TSN: variants seen among roughly 807,000 people sequenced by gnomAD.
TSN encodes translin, also known as component 3 of promoter of RISC.
Under a neutral mutation model 29.4 loss-of-function variants are expected in TSN, and 5 were observed. The ratio of observed to expected loss-of-function variants is 0.17; its 90% CI spans 0.09 to 0.36. The LOEUF (loss-of-function observed/expected upper bound fraction) is 0.36. Ranked by LOEUF, TSN falls within the 10% of genes least tolerant of loss-of-function variation. TSN has a pLI of 1.00. For missense variants in TSN, 159 were observed against 272.8 expected (o/e 0.58, Z 2.94); for synonymous variants, 106 against 102.2 (o/e 1.04, Z -0.23).
intron 1 of TSN, chr2:121,756,290 C>G (rs761999172): frequency 8.0e-6 from 2 of 248,920 alleles, no homozygotes; most frequent in Non-Finnish European, 1.6e-5. Flanking sequence ...TGCTCTCTGT[C>G]TTTGTGTATG....
chr2:121,756,587 A>G, intron 1 of TSN: 1 of 1,278,780 alleles, frequency 7.8e-7, no homozygotes, highest in South Asian at 1.2e-5. Context: ...CCTCGCACAT[A>G]AGTATGCTCA....
intron 3 of TSN, among the ~76,000 whole-genome samples, chr2:121,759,740 T>A (rs1218123071): frequency 6.6e-6 from 1 of 152,208 alleles, no homozygotes; most frequent in East Asian, 1.9e-4. Flanking sequence ...AGATGTTCTT[T>A]TAAGACGTAT....
At chr2:121,762,005 T>C (rs2074837093) in intron 4 of TSN, among the ~76,000 whole-genome samples, 1 of 151,438 alleles carries the variant, frequency 6.6e-6, no homozygotes, top group East Asian at 2.0e-4. Flanking sequence ...TTTTTTTTTT[T>C]TTCCGAAATG....
intron 4 of TSN, among the ~76,000 whole-genome samples, chr2:121,761,917 A>G (rs1400765657): frequency 1.3e-5 from 2 of 151,970 alleles, no homozygotes; most frequent in Non-Finnish European, 2.9e-5. Context: ...TCCCAGGTTC[A>G]AGTGATTCTC....
chr2:121,766,224 C>T lies in TSN; in HGVS notation c.*857C>T, dbSNP rs149553860. On this transcript the variant is annotated 3_prime_UTR_variant, in exon 6 of 6. Transcript: ENST00000389682. The stretch of plus-strand genomic sequence containing the variant: ...TGTTCTGGGAGTATAAAGCCACCCA[C>T]GTAAGTTAATAAGCAAAATCCTGAC... 160 of 152,292 alleles carry T rather than the reference C, an allele frequency of 1.1e-3. 1 individual carries two copies. The highest frequency in any genetic ancestry group is 3.7e-3 in the African/African-American group (155 of 41,550). The allele number at this position is 152,292 out of a possible 1,614,324, so 9.4% of individuals were successfully genotyped here.
rs1316633638 is a variant in TSN at position 121,763,199 on chromosome 2, G to A, written c.453+115G>A. ...GCTCTGTCGCCTAGGCTGGAGTGCA[G>A]TGGCGCAATCTCGGCTCACTGCAAG... On this transcript the variant is annotated intron_variant, in intron 5 of 5. Transcript: ENST00000389682. 4 of 707,594 alleles carry A rather than the reference G, an allele frequency of 5.7e-6. No homozygotes were observed. In the South Asian group the frequency reaches 7.3e-5, roughly 13 times the overall value. 43.8% of individuals were successfully genotyped at this position (707,594 alleles called of 1,614,324 possible).
intron 1 of TSN, chr2:121,756,516 T>C (rs2074750629): frequency 5.5e-6 from 3 of 548,658 alleles, no homozygotes; most frequent in African/African-American, 2.1e-5. Flanking sequence ...TCTCCCTCAT[T>C]GTATGTTAAA....
At chr2:121,755,887 C>G (rs764073551) in intron 1 of TSN, 42 bp downstream of exon 1, 2 of 1,612,532 alleles carry the variant, frequency 1.2e-6, no homozygotes. Context: ...CTTTCCATGC[C>G]TAGTTGGGCC....
In TSN at chr2:121,755,714, T is replaced by A; in HGVS notation, c.-66T>A. The A allele has an allele frequency of 6.3e-7, 1 of 1,597,034 alleles. No homozygotes were observed. Among genetic ancestry groups the A allele is most frequent in the Non-Finnish European group, 8.5e-7 (1 of 1,171,936 alleles). ...CGGCCGTTGCGATTGATTGCGCTGG[T>A]TGCCTGCGGCGTCCACTTCCTTGGC... is the stretch of plus-strand genomic sequence containing the variant. On this transcript the variant is annotated 5_prime_UTR_variant, in exon 1 of 6. The change creates a new upstream start codon in the 5' untranslated region. Transcript: ENST00000389682.
chr2:121,759,216 A>G (rs1030720142), intron 3 of TSN, among the ~76,000 whole-genome samples: 3 of 152,222 alleles, frequency 2.0e-5, no homozygotes, highest in African/African-American at 7.2e-5. Flanking sequence ...ATTAGCTAAT[A>G]TTTTATGCCA....
Position 121,757,305 on chromosome 2 carries a change from G to T in TSN, c.132G>T (p.Gly44=). 1.2e-6 allele frequency: 2 copies of T among 1,614,076 alleles called. No homozygotes were observed. Among genetic ancestry groups the T allele is most frequent in the Non-Finnish European group, 1.7e-6 (2 of 1,180,004 alleles). Residue 44 remains glycine, a synonymous_variant, in exon 2 of 6, where the codon GGG becomes GGT. Coordinates refer to ENST00000389682, the MANE Select transcript of TSN (RefSeq NM_004622.3). ...TAREILTLLQ[G]VHQGAGFQDI... is the part of the protein sequence containing the mutation. ...GAGAGATTTTAACTCTACTGCAAGG[G>T]GTCCATCAGGGTGCTGGGTTTCAGG...
intron 3 of TSN, 146 bp downstream of exon 3, chr2:121,758,952 C>T: frequency 2.2e-6 from 1 of 454,382 alleles, no homozygotes; most frequent in Non-Finnish European, 3.7e-6. Context: ...ATGGTCATGA[C>T]AAAAATTGGT....
intron 1 of TSN, chr2:121,756,144 A>G: frequency 4.2e-6 from 2 of 478,502 alleles, no homozygotes; most frequent in Non-Finnish European, 7.5e-6. Flanking sequence ...TCAGCGAATG[A>G]GCGTTTCGTG....
chr2:121,765,110 CCT>C (rs754086009), intron 5 of TSN, 22 bp from the exon 6 acceptor site: 58 of 1,609,594 alleles, frequency 3.6e-5, no homozygotes, highest in Non-Finnish European at 4.3e-5. Flanking sequence ...GTAACAAGCC[CCT>C]GTTTTCTCTT....
chr2:121,759,660 T>C (rs2074795394), intron 3 of TSN, among the ~76,000 whole-genome samples: 1 of 151,996 alleles, frequency 6.6e-6, no homozygotes, highest in Non-Finnish European at 1.5e-5. Flanking sequence ...CCTGGTTTCA[T>C]AGGTGTTAAA....
At chr2:121,762,706 T>C (rs558224550) in intron 4 of TSN, among the ~76,000 whole-genome samples, 1 of 152,324 alleles carries the variant, frequency 6.6e-6, no homozygotes, top group East Asian at 1.9e-4. Flanking sequence ...AAGTTGCAAA[T>C]ATCGTAACTC....
intron 4 of TSN, among the ~76,000 whole-genome samples, chr2:121,762,422 C>G (rs1224693008): frequency 1.3e-5 from 2 of 152,264 alleles, no homozygotes; most frequent in East Asian, 3.8e-4. Flanking sequence ...GCCACCACGC[C>G]TGGCCTTTTC....
chr2:121,763,203 C>T (rs901787995), intron 5 of TSN, 119 bp downstream of exon 5: 57 of 663,054 alleles, frequency 8.6e-5, no homozygotes, highest in East Asian at 7.9e-4. Context: ...AGTGCAGTGG[C>T]GCAATCTCGG....
chr2:121,765,372 C>T lies in TSN; in HGVS notation c.*5C>T, dbSNP rs1353715767. ...GCAGCTTGTGTTGAAAAATAGGAGG[C>T]TCTCCTTGCTCCTGGCCTTGCTGAC... On this transcript the variant is annotated 3_prime_UTR_variant, in exon 6 of 6. Coordinates refer to ENST00000389682, the MANE Select transcript of TSN (RefSeq NM_004622.3). The T allele has an allele frequency of 1.2e-6, 2 of 1,613,494 alleles. No individual in the cohort carries two copies. Among genetic ancestry groups the T allele is most frequent in the East Asian group, 2.2e-5 (1 of 44,896 alleles).
Sources: allele counts gnomAD v4.1 joint callset (sites outside exome capture counted in the v4.1 genomes callset), GRCh38; gene constraint gnomAD v4.1.1; transcripts MANE v1.5; gene names NCBI Gene and HGNC (gene_info 2026-07-23, HGNC 2026-07-21).